The following CDK13 variants were observed in gnomAD, a reference collection of about 807,000 sequenced individuals.
CDK13 encodes the protein cyclin dependent kinase 13, also known as cyclin-dependent kinase 13.
In CDK13, 40 loss-of-function variants were observed where a neutral mutation model predicts 137.6. The observed-to-expected ratio is 0.29, with a 90% confidence interval of 0.23 to 0.38. CDK13 has a LOEUF of 0.38. Ranked by LOEUF, CDK13 falls within the 10% of genes least tolerant of loss-of-function variation. CDK13 has a pLI of 1.00. For synonymous variants in CDK13, 869 were observed against 760.1 expected (o/e 1.14, Z -2.36); for missense variants, 1,704 against 1,951.8 (o/e 0.87, Z 2.39).
chr7:40,030,884 A>G (rs1446019812), intron 5 of CDK13, among the ~76,000 whole-genome samples: 1 of 152,138 alleles, frequency 6.6e-6, no homozygotes, highest in Non-Finnish European at 1.5e-5. Context: ...ATTCCATTGT[A>G]TGGGTGTACC....
At position 39,988,258 on chromosome 7, in the gene CDK13, G is replaced by C; in HGVS notation, c.1871G>C (p.Ser624Thr). 1 of 1,585,534 alleles carries C rather than the reference G, an allele frequency of 6.3e-7. No homozygotes were observed. ...PMLPEDKEAD[S>T]LRGNISVKAV... Reference sequence around the variant, plus strand: ...CTGCCTGAAGATAAAGAAGCTGATAGGTAAGTGCAAAAAGTATTTGTCAAT... The same window carrying C: ...CTGCCTGAAGATAAAGAAGCTGATACGTAAGTGCAAAAAGTATTTGTCAAT... The change falls in exon 2 of 14, where the codon AGC becomes ACC. Residue 624 changes from serine to threonine, a missense_variant and splice_region_variant. Ser to Thr is a moderately conservative substitution (Grantham distance 58). Coordinates refer to ENST00000181839, the MANE Select transcript of CDK13 (RefSeq NM_003718.5).
rs3735136 is a variant in CDK13, at chr7:39,952,033, C to T, written c.1211+181C>T. 1,316 of 490,682 alleles carry T rather than the reference C, an allele frequency of 2.7e-3. 31 individuals are homozygous for T. The East Asian group carries it at 0.045, about 17-fold the overall frequency. 30.4% of individuals were successfully genotyped at this position (490,682 alleles called of 1,614,324 possible). A position where few individuals can be genotyped will look rare whatever the true frequency, so the allele number is the denominator to read the frequency against. The stretch of plus-strand genomic sequence containing the variant: ...CGCGCGTGACACTTTTTTAGGGGGT[C>T]GAAGGGACAAAGCAACTGGGCGAAG... On this transcript the variant is annotated intron_variant, in intron 1 of 13. Coordinates refer to ENST00000181839, the MANE Select transcript of CDK13 (RefSeq NM_003718.5).
chr7:40,078,590 G>A, intron 10 of CDK13, 130 bp from the exon 11 acceptor site: 1 of 406,056 alleles, frequency 2.5e-6, no homozygotes. Context: ...TATTAAAAAA[G>A]TATTTACAAT....
Position 40,099,209 on chromosome 7 carries a change from A to G in CDK13, c.*4229A>G, listed in dbSNP as rs1176084502. On this transcript the variant is annotated 3_prime_UTR_variant, in exon 14 of 14. Transcript: ENST00000181839. ...TACTTAAAAATAAAAGCTATTAATA[A>G]TAAGCTGTCATGGGATCCATTTGAA... 1.3e-5 allele frequency: 2 copies of G among 152,176 alleles called. No individual in the cohort carries two copies. Among genetic ancestry groups the G allele is most frequent in the Admixed American group, 6.5e-5 (1 of 15,276 alleles). 9.4% of individuals were successfully genotyped at this position (152,176 alleles called of 1,614,324 possible).
intron 9 of CDK13, among the ~76,000 whole-genome samples, chr7:40,063,731 C>G (rs546845004): frequency 6.6e-6 from 1 of 152,110 alleles, no homozygotes; most frequent in Non-Finnish European, 1.5e-5. Context: ...GATCTCCACT[C>G]ACTGCAACTT....
rs942226760 is a variant in CDK13, at chr7:40,094,747, G to A, written c.4306G>A (p.Val1436Ile). ...TGAATATAGCCATGGTCCTATTGCA[G>A]TCCTGGCAAACAGCAGTGACCCTTC... is the stretch of plus-strand genomic sequence containing the variant. ...RFEYSHGPIA[V>I]LANSSDPSTG... is the part of the protein sequence containing the mutation. The change falls in exon 14 of 14, where the codon GTC becomes ATC. Residue 1436 changes from valine to isoleucine, a missense_variant. Around this residue, in one of 5 missense-constraint regions of CDK13, gnomAD observed 475 missense variants for 579.3 expected, o/e 0.82. Coordinates refer to ENST00000181839, the MANE Select transcript of CDK13 (RefSeq NM_003718.5). 3 of 1,613,796 alleles carry A rather than the reference G, an allele frequency of 1.9e-6. No individual in the cohort carries two copies. The African/African-American group carries it at 4.0e-5, about 22-fold the overall frequency.
At chr7:39,979,465 C>T (rs1784179607) in intron 1 of CDK13, among the ~76,000 whole-genome samples, 1 of 152,110 alleles carries the variant, frequency 6.6e-6, no homozygotes, top group South Asian at 2.1e-4. Flanking sequence ...ATCTGCCCAT[C>T]TCGGCTTCCC....
rs1047247006 is a variant in CDK13 at position 40,096,164 on chromosome 7, A to C, written c.*1184A>C. The stretch of plus-strand genomic sequence containing the variant: ...GCAAATACCGTATTTTAAGTTATGC[A>C]ATTGCCCTTTTAAGAAAGTCAATTC... On this transcript the variant is annotated 3_prime_UTR_variant, in exon 14 of 14. Transcript: ENST00000181839. 2 of 152,142 alleles carry C rather than the reference A, an allele frequency of 1.3e-5. No individual in the cohort carries two copies. The highest frequency in any genetic ancestry group is 2.9e-5 in the Non-Finnish European group (2 of 68,028). 9.4% of individuals were successfully genotyped at this position (152,142 alleles called of 1,614,324 possible). A position where few individuals can be genotyped will look rare whatever the true frequency, so the allele number is the denominator to read the frequency against.
At position 39,951,161 on chromosome 7, in the gene CDK13, A is replaced by C. The variant is rs1787166831; in HGVS notation, c.520A>C (p.Thr174Pro). Reference protein sequence around the residue: ...AATAATAAGGTGGSGGSPASS... With the variant: ...AATAATAAGGPGGSGGSPASS... ...AACGGCGGCGACGGCTGCCGGGGGA[A>C]CGGGGGGCAGCGGCGGGAGTCCGGC... is the stretch of plus-strand genomic sequence containing the variant. Residue 174 changes from threonine to proline, a missense_variant, in exon 1 of 14, where the codon ACG (threonine) becomes CCG (proline). Physicochemically the swap from Thr to Pro is conservative, Grantham distance 38. Coordinates refer to ENST00000181839, the MANE Select transcript of CDK13 (RefSeq NM_003718.5). The C allele has an allele frequency of 8.1e-7, 1 of 1,241,998 alleles. No individual in the cohort carries two copies. The highest frequency in any genetic ancestry group is 1.0e-6 in the Non-Finnish European group (1 of 994,676). 76.9% of individuals were successfully genotyped at this position (1,241,998 alleles called of 1,614,324 possible). A position where few individuals can be genotyped will look rare whatever the true frequency, so the allele number is the denominator to read the frequency against.
At chr7:39,973,602 A>G (rs1784047148) in intron 1 of CDK13, among the ~76,000 whole-genome samples, 1 of 152,204 alleles carries the variant, frequency 6.6e-6, no homozygotes, top group Non-Finnish European at 1.5e-5. Context: ...AAAGTATTTT[A>G]TTTTGATGGA....
At chr7:39,956,078 AATG>A (rs1461063537) in intron 1 of CDK13, among the ~76,000 whole-genome samples, 1 of 152,196 alleles carries the variant, frequency 6.6e-6, no homozygotes, top group Non-Finnish European at 1.5e-5. Context: ...AAGTATATGA[AATG>A]AAGATATTCC....
chr7:40,005,421 C>A (rs28638437), intron 5 of CDK13, among the ~76,000 whole-genome samples: 40,496 of 151,436 alleles, frequency 0.27, 6,529 homozygotes, highest in Middle Eastern at 0.45. Context: ...TTCCAAGTAG[C>A]CAGCATTACA....
chr7:40,026,405 G>A (rs1015088875), intron 5 of CDK13, among the ~76,000 whole-genome samples: 5 of 152,192 alleles, frequency 3.3e-5, no homozygotes, highest in Admixed American at 6.5e-5. Context: ...GCTACTTGGG[G>A]GGCTGAGGTA....
At chr7:39,965,454 G>A (rs915252214) in intron 1 of CDK13, among the ~76,000 whole-genome samples, 2 of 151,766 alleles carry the variant, frequency 1.3e-5, no homozygotes, top group Non-Finnish European at 2.9e-5. Context: ...GCCTTTTTTT[G>A]TTTTCCATTT....
intron 1 of CDK13, among the ~76,000 whole-genome samples, chr7:39,979,974 C>T (rs1784190547): frequency 6.6e-6 from 1 of 152,144 alleles, no homozygotes; most frequent in Admixed American, 6.5e-5. Flanking sequence ...CAAGAGACTC[C>T]AGAAGGAACA....
intron 7 of CDK13, chr7:40,048,704 T>A (rs1382521846): frequency 6.6e-6 from 1 of 150,770 alleles, no homozygotes; most frequent in African/African-American, 2.5e-5. Context: ...ATGTTTACTT[T>A]CATTTAATCT....
chr7:40,051,548 C>T (rs1785888256), intron 7 of CDK13, among the ~76,000 whole-genome samples: 1 of 152,144 alleles, frequency 6.6e-6, no homozygotes, highest in East Asian at 1.9e-4. Context: ...TATAAAGTCA[C>T]TTTGAAGTGT....
intron 1 of CDK13, among the ~76,000 whole-genome samples, chr7:39,966,924 G>T (rs1204942409): frequency 6.6e-6 from 1 of 152,136 alleles, no homozygotes; most frequent in Non-Finnish European, 1.5e-5. Flanking sequence ...CTGCAGACCA[G>T]CGGATATTGT....
chr7:39,952,713 G>A (rs1256919307), intron 1 of CDK13: 3 of 151,978 alleles, frequency 2.0e-5, no homozygotes, highest in African/African-American at 4.8e-5. Flanking sequence ...TATACCCGAA[G>A]GATAAAAACA....
Sources: gnomAD v4.1 joint callset for allele counts (sites outside exome capture counted in the v4.1 genomes callset) on GRCh38, gnomAD v4.1.1 for gene constraint, gnomAD v4.1.1 regional missense constraint, MANE v1.5 for transcripts, NCBI Gene and HGNC (gene_info 2026-07-23, HGNC 2026-07-21) for gene names.